Variants in NEDD9 observed in about 807,000 individuals in gnomAD.
NEDD9 encodes the protein neural precursor cell expressed, developmentally down-regulated 9.
Under a neutral mutation model 76.6 loss-of-function variants are expected in NEDD9, and 26 were observed. That is an observed-to-expected ratio of 0.34 (90% CI 0.25 to 0.47). NEDD9 has a LOEUF of 0.47. NEDD9 is among the 20% of genes least tolerant of loss of function. The probability of loss-of-function intolerance (pLI) is 1.00; values close to 1 mark genes in which losing one functional copy is unlikely to be tolerated. For missense variants in NEDD9, 937 were observed against 1,058.5 expected, an observed-to-expected ratio of 0.89 and a Z score of 1.59; for synonymous variants, 392 against 414.2, an observed-to-expected ratio of 0.95 and a Z score of 0.65.
At chr6:11,346,597 A>G (rs749625980) in intron 1 of NEDD9, among the ~76,000 whole-genome samples, 6 of 151,786 alleles carry the variant, frequency 4.0e-5, no homozygotes, top group Non-Finnish European at 7.4e-5. Context: ...ATTCATCTCC[A>G]TAGTTTCTGT....
At chr6:11,346,891 T>A (rs1179462275) in intron 1 of NEDD9, among the ~76,000 whole-genome samples, 1 of 152,188 alleles carries the variant, frequency 6.6e-6, no homozygotes, top group Non-Finnish European at 1.5e-5. Flanking sequence ...TAGTCAGGAC[T>A]GGCCTGAAAT....
intron 2 of NEDD9, among the ~76,000 whole-genome samples, chr6:11,312,768 C>T (rs892158929): frequency 6.7e-6 from 1 of 149,744 alleles, no homozygotes; most frequent in Non-Finnish European, 1.5e-5. Flanking sequence ...GGCCAATAAC[C>T]CAGTGGGGTG....
At chr6:11,380,865 G>A (rs368523429) in intron 1 of NEDD9, among the ~76,000 whole-genome samples, 9 of 152,106 alleles carry the variant, frequency 5.9e-5, no homozygotes, top group African/African-American at 2.2e-4. Context: ...CTGCAGTGCA[G>A]TGGTGCAATC....
chr6:11,361,185 CA>C (rs1762674711), intron 1 of NEDD9, among the ~76,000 whole-genome samples: 1 of 152,152 alleles, frequency 6.6e-6, no homozygotes, highest in African/African-American at 2.4e-5. Context: ...ACAGCAGTGT[CA>C]GGGGGTCAGA....
intron 2 of NEDD9, among the ~76,000 whole-genome samples, chr6:11,332,602 C>T (rs1283960530): frequency 6.6e-6 from 1 of 152,196 alleles, no homozygotes; most frequent in Non-Finnish European, 1.5e-5. Flanking sequence ...ATTAGATGCT[C>T]CTTTGCACTC....
At chr6:11,239,480 T>C (rs543471019) in intron 3 of NEDD9, among the ~76,000 whole-genome samples, 1 of 152,324 alleles carries the variant, frequency 6.6e-6, no homozygotes, top group South Asian at 2.1e-4. Context: ...AATGAGCTCC[T>C]CTCACTTCAA....
chr6:11,369,526 CAG>C (rs1762824508), intron 1 of NEDD9, among the ~76,000 whole-genome samples: 1 of 152,194 alleles, frequency 6.6e-6, no homozygotes. Flanking sequence ...TGTACACACA[CAG>C]AGTTTTTAAA....
At chr6:11,244,038 T>C (rs1221168320) in intron 3 of NEDD9, among the ~76,000 whole-genome samples, 1 of 152,176 alleles carries the variant, frequency 6.6e-6, no homozygotes, top group African/African-American at 2.4e-5. Flanking sequence ...GTAAAGTAGA[T>C]ACCCTCCACC....
At position 11,184,972 on chromosome 6, in the gene NEDD9, AG is replaced by A; in HGVS notation, c.*189del. 1.4e-6 allele frequency: 1 copy of A among 697,794 alleles called. No homozygotes were observed. Among genetic ancestry groups the A allele is most frequent in the South Asian group, 2.3e-5 (1 of 42,702 alleles). The allele number at this position is 697,794 out of a possible 1,614,324, so 43.2% of individuals were successfully genotyped here. A position where few individuals can be genotyped will look rare whatever the true frequency, so the allele number is the denominator to read the frequency against. On this transcript the variant is annotated 3_prime_UTR_variant, in exon 7 of 7. Coordinates refer to ENST00000379446, the MANE Select transcript of NEDD9 (RefSeq NM_006403.4). ...TTCTATGTATACATAAGAACCACTC[AG>A]GGGGAAAAAAAAAGATTTCCCTCTC...
At chr6:11,318,166 C>T (rs1761632758) in intron 2 of NEDD9, among the ~76,000 whole-genome samples, 1 of 151,826 alleles carries the variant, frequency 6.6e-6, no homozygotes, top group African/African-American at 2.4e-5. Flanking sequence ...GGAACCACAC[C>T]ATCAGCTCTC....
In NEDD9 at chr6:11,366,957, T is replaced by C. The variant is rs367985735; in HGVS notation, c.-214+15182A>G. ...AATATCTAAATCTTGGCTGTTAATA[T>C]TTTGATCCAATGTTGTTACCTAGCA... On this transcript the variant is annotated intron_variant, in intron 1 of 3. Coordinates refer to the NEDD9 transcript ENST00000397378. Among the ~76,000 whole-genome samples, 12 of 152,380 alleles carry C rather than the reference T, an allele frequency of 7.9e-5. No individual in the cohort carries two copies. In the East Asian group the frequency reaches 9.6e-4, roughly 12 times the overall value.
chr6:11,346,357 T>C (rs561822066), intron 1 of NEDD9, among the ~76,000 whole-genome samples: 1 of 152,204 alleles, frequency 6.6e-6, no homozygotes, highest in East Asian at 1.9e-4. Context: ...CTTAACTGAC[T>C]AAAGAATGTG....
Position 11,321,836 on chromosome 6 carries a change from G to A in NEDD9, c.-153+12665C>T, listed in dbSNP as rs181086986. The stretch of plus-strand genomic sequence containing the variant: ...CAGGAAAGTCTCTAGCGAAGGCCAA[G>A]GATTTTAGAAAGTATCTGTGAACAA... On this transcript the variant is annotated intron_variant, in intron 2 of 3. Coordinates refer to the NEDD9 transcript ENST00000397378. Among the ~76,000 whole-genome samples the A allele has an allele frequency of 1.6e-4, 24 of 152,260 alleles. No homozygotes were observed. In the East Asian group the frequency reaches 4.4e-3, roughly 28 times the overall value.
chr6:11,368,794 G>A (rs879640091), intron 1 of NEDD9, among the ~76,000 whole-genome samples: 6 of 151,918 alleles, frequency 3.9e-5, no homozygotes, highest in Admixed American at 3.9e-4. Flanking sequence ...TCTTTTTTCT[G>A]TCAAACCCTA....
chr6:11,295,805 C>T (rs1760875128), intron 3 of NEDD9, among the ~76,000 whole-genome samples: 1 of 152,130 alleles, frequency 6.6e-6, no homozygotes, highest in Non-Finnish European at 1.5e-5. Flanking sequence ...TCCAGCATGC[C>T]AATCTCCATC....
chr6:11,248,884 T>C (rs886464653), intron 3 of NEDD9: 10 of 339,960 alleles, frequency 2.9e-5, no homozygotes, highest in African/African-American at 2.1e-4. Context: ...GTGTCAGCTG[T>C]CTCCTTTGCC....
intron 3 of NEDD9, among the ~76,000 whole-genome samples, chr6:11,268,019 G>A (rs1011941744): frequency 2.6e-5 from 4 of 151,912 alleles, no homozygotes; most frequent in South Asian, 2.1e-4. Context: ...AGGTAAAAAC[G>A]GCATCTATAA....
chr6:11,307,030 G>A (rs1761205099), intron 2 of NEDD9, among the ~76,000 whole-genome samples: 1 of 152,186 alleles, frequency 6.6e-6, no homozygotes, highest in Non-Finnish European at 1.5e-5. Flanking sequence ...CACGGGGCAC[G>A]TGAATATCTT....
chr6:11,316,347 TC>T (rs1761560488), intron 2 of NEDD9, among the ~76,000 whole-genome samples: 1 of 152,184 alleles, frequency 6.6e-6, no homozygotes, highest in Admixed American at 6.5e-5. Flanking sequence ...CACTTTATCA[TC>T]AAAGTCAGGA....
Sources: allele counts gnomAD v4.1 joint callset (sites outside exome capture counted in the v4.1 genomes callset), GRCh38; gene constraint gnomAD v4.1.1; transcripts MANE v1.5; gene names NCBI Gene and HGNC (gene_info 2026-07-23, HGNC 2026-07-21).